MAFF: variants seen among roughly 807,000 people sequenced by gnomAD.
MAFF encodes MAF bZIP transcription factor F, also known as transcription factor MafF.
A neutral mutation model predicts 2.7 loss-of-function variants in MAFF; 4 were observed. That is an observed-to-expected ratio of 1.48 (90% CI 0.73 to 3.39). The LOEUF is 3.39. Ranked by LOEUF, MAFF falls within the 30% of genes most tolerant of loss-of-function variation. The pLI is 0.01. For missense variants in MAFF, 190 were observed against 246.6 expected (o/e 0.77, Z 1.54); for synonymous variants, 113 against 119.4 (o/e 0.95, Z 0.35).
At chr22:38,203,703 C>T (rs891108534) in intron 1 of MAFF, 2 of 151,536 alleles carry the variant, frequency 1.3e-5, no homozygotes, top group African/African-American at 2.4e-5. Context: ...GGGTGAGGAA[C>T]CAATGATCTT....
intron 1 of MAFF, among the ~76,000 whole-genome samples, chr22:38,209,823 AAAAAAAAAAAAAGGG>A (rs2091083982): frequency 6.6e-6 from 1 of 150,884 alleles, no homozygotes; most frequent in Non-Finnish European, 1.5e-5. Flanking sequence ...CAAAAAAAAA[AAAAAAAAAAAAAGGG>A]AAAAAAAAAA....
At chr22:38,206,210 T>C (rs990608437) in intron 1 of MAFF, among the ~76,000 whole-genome samples, 1 of 152,170 alleles carries the variant, frequency 6.6e-6, no homozygotes, top group Non-Finnish European at 1.5e-5. Flanking sequence ...AACAGTTCTG[T>C]GCTGAGAAAG....
In MAFF at chr22:38,214,684, C is replaced by T. The variant is rs1462690897; in HGVS notation, c.301C>T (p.Arg101Cys). ...DKLARENAAM[R>C]LELDALRGKC... ...GCTGGCGCGCGAGAACGCCGCCATG[C>T]GCCTGGAGCTCGACGCGCTGCGCGG... Residue 101 changes from arginine to cysteine, a missense_variant, in exon 3 of 3, where the codon CGC (arginine) becomes TGC (cysteine). This residue lies in a region of MAFF where 87 missense variants were observed against 143.6 expected (regional missense o/e 0.61). Transcript: ENST00000338483. This position sits in a 1 kb window ranked among gnomAD's most constrained non-coding sequence, Gnocchi z 6.3. 2 of 1,547,014 alleles carry T rather than the reference C, an allele frequency of 1.3e-6. No individual in the cohort carries two copies. Among genetic ancestry groups the T allele is most frequent in the Non-Finnish European group, 8.7e-7 (1 of 1,147,210 alleles).
chr22:38,212,995 CTAAAAA>C (rs1360255426), intron 1 of MAFF, among the ~76,000 whole-genome samples: 1 of 151,766 alleles, frequency 6.6e-6, no homozygotes, highest in African/African-American at 2.4e-5. Context: ...AACCCTGTCT[CTAAAAA>C]TAAAAATAAA....
Position 38,208,818 on chromosome 22 carries a change from CA to C in MAFF, c.-31-5002del, listed in dbSNP as rs2091073578. On this transcript the variant is annotated intron_variant, in intron 1 of 2. Transcript: ENST00000338483. ...GGCCGAAGGATGAGTAGGAGTCTGC[CA>C]AACAAAGTAGAGGGGAGTGAGGGGA... Among the ~76,000 whole-genome samples, 4 of 152,016 alleles carry C rather than the reference CA, an allele frequency of 2.6e-5. No individual in the cohort carries two copies. The South Asian group carries it at 8.3e-4, about 32-fold the overall frequency.
At chr22:38,203,479 C>CT (rs1360421507) in intron 1 of MAFF, 2 of 152,244 alleles carry the variant, frequency 1.3e-5, no homozygotes, top group Admixed American at 6.5e-5. Context: ...GGATAGAACT[C>CT]TGACTGCACG....
In MAFF at chr22:38,214,744, GT is replaced by G; in HGVS notation, c.362del (p.Val121GlyfsTer66). Reference sequence around the variant, plus strand: ...GGCGCTGCAGGGCTTCGCGCGCTCCGTGGCCGCCGCCCGCGGGCCCGCCACG... The same window carrying G: ...GGCGCTGCAGGGCTTCGCGCGCTCCGGGCCGCCGCCCGCGGGCCCGCCACG... ...CEALQGFARS[V>X]AAARGPATLV... is the part of the protein sequence containing the mutation. On this transcript the variant is annotated frameshift_variant, in exon 3 of 3. Coordinates refer to ENST00000338483, the MANE Select transcript of MAFF (RefSeq NM_012323.4). LOFTEE classifies it low-confidence loss of function (END_TRUNC). This position sits in a 1 kb window ranked among gnomAD's most constrained non-coding sequence, Gnocchi z 6.3. The G allele has an allele frequency of 7.1e-7, 1 of 1,411,626 alleles. No individual in the cohort carries two copies. Among genetic ancestry groups the G allele is most frequent in the Non-Finnish European group, 9.2e-7 (1 of 1,092,284 alleles). The allele number at this position is 1,411,626 out of a possible 1,614,324, so 87.4% of individuals were successfully genotyped here.
chr22:38,213,514 T>C, intron 1 of MAFF: 1 of 443,196 alleles, frequency 2.3e-6, no homozygotes, highest in Non-Finnish European at 4.4e-6. Context: ...GGTTATGTGA[T>C]GTGACACAGA....
chr22:38,206,643 C>T (rs551380858), intron 1 of MAFF, among the ~76,000 whole-genome samples: 6 of 151,994 alleles, frequency 3.9e-5, no homozygotes, highest in Admixed American at 2.0e-4. Context: ...TGAGCCACCA[C>T]GCCTGGCCTT....
intron 1 of MAFF, among the ~76,000 whole-genome samples, chr22:38,212,968 C>A (rs1291601493): frequency 1.3e-5 from 2 of 151,868 alleles, no homozygotes; most frequent in East Asian, 3.9e-4. Context: ...TCAAAACCAG[C>A]CTGGCCAACA....
At chr22:38,204,492 T>C (rs2091037422) in intron 1 of MAFF, among the ~76,000 whole-genome samples, 1 of 152,054 alleles carries the variant, frequency 6.6e-6, no homozygotes, top group Non-Finnish European at 1.5e-5. Flanking sequence ...AGTAGGTGCT[T>C]CTTGGATGTT....
intron 1 of MAFF, among the ~76,000 whole-genome samples, chr22:38,205,078 C>A (rs1221036212): frequency 6.6e-6 from 1 of 152,042 alleles, no homozygotes; most frequent in Non-Finnish European, 1.5e-5. Flanking sequence ...TGTCTCATGC[C>A]CCCACCTCCA....
intron 1 of MAFF, 106 bp from the exon 2 acceptor site, chr22:38,213,717 G>A (rs1327245291): frequency 1.2e-6 from 1 of 827,226 alleles, no homozygotes; most frequent in African/African-American, 1.7e-5. Context: ...GTATGAATCA[G>A]TTCTAAGATA....
At chr22:38,211,514 C>T (rs1317291730) in intron 1 of MAFF, among the ~76,000 whole-genome samples, 1 of 112,580 alleles carries the variant, frequency 8.9e-6, no homozygotes, top group Non-Finnish European at 1.9e-5. Flanking sequence ...CGTGAGCCAC[C>T]GCGCCCGGCC....
chr22:38,207,636 T>C (rs976684058), intron 1 of MAFF, among the ~76,000 whole-genome samples: 2 of 151,370 alleles, frequency 1.3e-5, no homozygotes, highest in African/African-American at 2.4e-5. Flanking sequence ...GGTCTTGCTT[T>C]GTCACCCAGG....
At chr22:38,206,648 G>C (rs1377264896) in intron 1 of MAFF, among the ~76,000 whole-genome samples, 2 of 152,044 alleles carry the variant, frequency 1.3e-5, no homozygotes, top group African/African-American at 4.8e-5. Context: ...CACCACGCCT[G>C]GCCTTGCCTA....
intron 1 of MAFF, chr22:38,203,850 G>C (rs4820324): frequency 0.58 from 87,897 of 151,784 alleles, 25,604 homozygotes; most frequent in East Asian, 0.64. Context: ...CTGGAAGTCT[G>C]TGCAGACAGC....
At chr22:38,213,582 C>G (rs1025509557) in intron 1 of MAFF, 5 of 617,602 alleles carry the variant, frequency 8.1e-6, no homozygotes, top group African/African-American at 7.3e-5. Context: ...TGGGCAAAGA[C>G]CTAAATGATG....
At chr22:38,213,613 A>T (rs1361454063) in intron 1 of MAFF, 4 of 661,236 alleles carry the variant, frequency 6.0e-6, no homozygotes, top group Non-Finnish European at 8.4e-6. Context: ...ATGGGGCTAG[A>T]ACAGTAAAGA....
Sources: allele counts gnomAD v4.1 joint callset (sites outside exome capture counted in the v4.1 genomes callset), GRCh38; gene constraint gnomAD v4.1.1; regional missense constraint gnomAD v4.1.1; non-coding constraint Gnocchi (gnomAD v3.1); transcripts MANE v1.5; gene names NCBI Gene and HGNC (gene_info 2026-07-23, HGNC 2026-07-21).